The following MAP7D2 variants were observed in gnomAD, a reference collection of about 807,000 sequenced individuals.
MAP7D2 encodes MAP7 domain containing 2, also known as MAP7 domain-containing protein 2.
MAP7D2 carries 33 observed loss-of-function variants against 63.5 expected under a neutral mutation model. That is an observed-to-expected ratio of 0.52 (90% confidence interval 0.39 to 0.70). The LOEUF is 0.70. Ranked by LOEUF, MAP7D2 falls within the 30% of genes least tolerant of loss-of-function variation. The probability of loss-of-function intolerance (pLI) is 0.00; values close to 1 mark genes in which losing one functional copy is unlikely to be tolerated. For missense variants in MAP7D2, 626 were observed against 604.0 expected, an observed-to-expected ratio of 1.04 and a Z score of -0.38; for synonymous variants, 224 against 223.7, an observed-to-expected ratio of 1.00 and a Z score of -0.01.
chrX:20,057,657 C>T (rs1474776554), intron 3 of MAP7D2, among the ~76,000 whole-genome samples: 1 of 112,039 alleles, frequency 8.9e-6, no homozygotes, highest in East Asian at 2.8e-4. Flanking sequence ...TCCCTATCTC[C>T]ACTGGAGAAG....
Position 20,050,890 on chromosome X carries a change from G to C in MAP7D2, c.652C>G (p.Pro218Ala), listed in dbSNP as rs757724711. The C allele has an allele frequency of 3.4e-6, 4 of 1,180,726 alleles. No individual in the cohort carries two copies. In the Admixed American group the frequency reaches 9.7e-5, roughly 29 times the overall value. ...EAILVSRLLT[P>A]TQSSLARSRA... The stretch of plus-strand genomic sequence containing the variant: ...CTTCTGGCTAAAGAAGACTGTGTGG[G>C]TGTCAACAGTCGCGAAACAAGAATG... Residue 218 changes from proline (P) to alanine (A), a missense_variant, in exon 6 of 17, where the codon CCC becomes GCC. Transcript: ENST00000379643.
rs1285368165 is a variant in MAP7D2, at chrX:20,116,865, G to T, written c.15C>A (p.Gly5=). The change falls in exon 1 of 17, where the codon GGC becomes GGA. Residue 5 remains glycine, a synonymous_variant. Transcript: ENST00000379643. MERG[G]GGSGTGSRPE... ...GCCGGGATCCCGTCCCGGAGCCGCC[G>T]CCGCCGCGCTCCATCGGGATGCGCC... is the stretch of plus-strand genomic sequence containing the variant. The T allele has an allele frequency of 7.9e-6, 9 of 1,140,027 alleles. No individual in the cohort carries two copies. Among genetic ancestry groups the T allele is most frequent in the Non-Finnish European group, 1.0e-5 (9 of 861,965 alleles). The allele number at this position is 1,140,027 out of a possible 1,213,427, so 94.0% of individuals were successfully genotyped here. A position where few individuals can be genotyped will look rare whatever the true frequency, so the allele number is the denominator to read the frequency against.
At chrX:20,098,419 C>T (rs2066330997) in intron 1 of MAP7D2, among the ~76,000 whole-genome samples, 1 of 111,937 alleles carries the variant, frequency 8.9e-6, no homozygotes, top group African/African-American at 3.3e-5. Flanking sequence ...GGAGTAAACT[C>T]CAAATAAAAA....
intron 6 of MAP7D2, among the ~76,000 whole-genome samples, chrX:20,049,270 ATTTTTT>A (rs60182799): frequency 2.4e-5 from 2 of 81,775 alleles, no homozygotes; most frequent in Admixed American, 1.3e-4. Flanking sequence ...ATGTATCTGT[ATTTTTT>A]TTTTTTTTTT....
At chrX:20,056,566 A>G in intron 4 of MAP7D2, 114 bp downstream of exon 4, 1 of 539,224 alleles carries the variant, frequency 1.9e-6, no homozygotes, top group East Asian at 3.5e-5. Flanking sequence ...GCCTCTGAAA[A>G]GCTGTGCAAA....
Position 20,016,207 on chromosome X carries a change from C to T in MAP7D2, c.1531G>A (p.Gly511Arg), listed in dbSNP as rs772987369. Residue 511 changes from glycine to arginine, a missense_variant, in exon 11 of 17, where the codon GGG (glycine) becomes AGG (arginine). Physicochemically the swap from Gly to Arg is moderately radical, Grantham distance 125. Coordinates refer to ENST00000379643, the MANE Select transcript of MAP7D2 (RefSeq NM_001168465.2). ...RQEEEKKKQE[G>R]EEKRKAGEEA... is the part of the protein sequence containing the mutation. ...TCGCCTGCCTTTCTTTTCTCTTCCC[C>T]TTCCTGTTTTTTCTTTTCCTCTTCC... 1.9e-5 allele frequency: 23 copies of T among 1,195,930 alleles called. No individual in the cohort carries two copies. In the East Asian group the frequency reaches 6.4e-4, roughly 33 times the overall value.
chrX:20,025,295 T>C (rs73445243), intron 9 of MAP7D2, among the ~76,000 whole-genome samples: 1,167 of 111,412 alleles, frequency 0.01, 14 homozygotes, highest in African/African-American at 0.036. Context: ...TGGAAGACAA[T>C]AGAAACATGA....
At chrX:20,017,341 T>C (rs2073435043) in intron 10 of MAP7D2, among the ~76,000 whole-genome samples, 1 of 112,369 alleles carries the variant, frequency 8.9e-6, no homozygotes, top group South Asian at 3.7e-4. Flanking sequence ...CCCAATGTCC[T>C]TTAAAGTGCA....
chrX:20,018,917 A>G (rs767833410), intron 10 of MAP7D2, among the ~76,000 whole-genome samples: 18 of 111,604 alleles, frequency 1.6e-4, no homozygotes, highest in Non-Finnish European at 3.4e-4. Flanking sequence ...CAGACAGCAC[A>G]TTAGATTTCA....
At chrX:20,042,952 A>T (rs73445256) in intron 7 of MAP7D2, among the ~76,000 whole-genome samples, 2 of 112,207 alleles carry the variant, frequency 1.8e-5, no homozygotes, top group African/African-American at 6.5e-5. Context: ...CTACAAAAAA[A>T]TTACAGGTGG....
intron 3 of MAP7D2, among the ~76,000 whole-genome samples, chrX:20,060,478 GAAA>G (rs2065193440): frequency 9.6e-6 from 1 of 103,999 alleles, no homozygotes; most frequent in Non-Finnish European, 2.0e-5. Flanking sequence ...AAGAAAGAAA[GAAA>G]GAAAGAAAGA....
intron 1 of MAP7D2, among the ~76,000 whole-genome samples, chrX:20,070,367 C>G (rs1199610983): frequency 9.1e-6 from 1 of 110,371 alleles, no homozygotes; most frequent in Non-Finnish European, 1.9e-5. Flanking sequence ...AAGTGGTCCT[C>G]CTGCCTCAGC....
chrX:20,027,962 G>A (rs1458763326), intron 8 of MAP7D2, among the ~76,000 whole-genome samples: 2 of 110,252 alleles, frequency 1.8e-5, no homozygotes, highest in Non-Finnish European at 3.8e-5. Context: ...GATTCAGCAC[G>A]TTGAGTCCTC....
At chrX:20,103,190 A>T (rs1357106948) in intron 1 of MAP7D2, among the ~76,000 whole-genome samples, 1 of 111,522 alleles carries the variant, frequency 9.0e-6, no homozygotes, top group African/African-American at 3.3e-5. Context: ...GCTCACCCAA[A>T]TCCTGCATAG....
chrX:20,053,013 T>C lies in MAP7D2; in HGVS notation c.485-25A>G, dbSNP rs745621957. 2.8e-5 allele frequency: 30 copies of C among 1,073,577 alleles called. No homozygotes were observed. The South Asian group carries it at 3.3e-4, about 12-fold the overall frequency. 88.5% of individuals were successfully genotyped at this position (1,073,577 alleles called of 1,213,427 possible). On this transcript the variant is annotated intron_variant, in intron 4 of 16. Transcript: ENST00000379643. ...GCTGCAGAGAAATGCATTAAAGACA[T>C]TGGTATTCATCACACTACTGTAGAA...
intron 10 of MAP7D2, 74 bp from the exon 11 acceptor site, chrX:20,016,399 G>T: frequency 1.1e-6 from 1 of 902,298 alleles, no homozygotes; most frequent in Non-Finnish European, 1.6e-6. Context: ...TGTGCTGACA[G>T]CCGAGAATAA....
At chrX:20,037,112 T>C (rs2064515987) in intron 8 of MAP7D2, among the ~76,000 whole-genome samples, 1 of 109,146 alleles carries the variant, frequency 9.2e-6, no homozygotes, top group Non-Finnish European at 1.9e-5. Context: ...GATGTATATA[T>C]AAAGGGGAGT....
intron 8 of MAP7D2, 94 bp downstream of exon 8, chrX:20,042,408 C>T (rs765629677): frequency 6.6e-6 from 7 of 1,062,474 alleles, no homozygotes; most frequent in African/African-American, 1.8e-5. Flanking sequence ...CCACGCCTCA[C>T]GGGGGAGCAG....
At chrX:20,056,314 G>A (rs897250757) in intron 4 of MAP7D2, among the ~76,000 whole-genome samples, 2 of 111,469 alleles carry the variant, frequency 1.8e-5, no homozygotes, top group Non-Finnish European at 1.9e-5. Context: ...TTTCCTGATC[G>A]CATCTGGACC....
Sources: gnomAD v4.1 joint callset for allele counts (sites outside exome capture counted in the v4.1 genomes callset) on GRCh38, gnomAD v4.1.1 for gene constraint, MANE v1.5 for transcripts, NCBI Gene and HGNC (gene_info 2026-07-23, HGNC 2026-07-21) for gene names.